Variants in MAMSTR observed in about 807,000 individuals in gnomAD.
The protein encoded by MAMSTR is MEF2-activating motif and SAP domain-containing transcriptional regulator.
Under a neutral mutation model 42.7 loss-of-function variants are expected in MAMSTR, and 41 were observed. That is an observed-to-expected ratio of 0.96 (90% confidence interval 0.75 to 1.25). The LOEUF (loss-of-function observed/expected upper bound fraction) is 1.25. MAMSTR is among the 50% of genes most tolerant of loss of function. The probability of loss-of-function intolerance (pLI) is 0.00; values close to 1 mark genes in which losing one functional copy is unlikely to be tolerated. For synonymous variants in MAMSTR, 265 were observed against 244.1 expected (o/e 1.09, Z -0.80); for missense variants, 567 against 557.6 (o/e 1.02, Z -0.17).
At position 48,712,773 on chromosome 19, in the gene MAMSTR, T is replaced by G. The variant is rs2032763976; in HGVS notation, c.*494A>C. ...AAATGACTGGCATTTATATCTTGTC[T>G]CAGGCTCTGCTTCCAAGAGAAGCTG... On this transcript the variant is annotated 3_prime_UTR_variant, in exon 10 of 10. Transcript: ENST00000318083. 1 of 153,232 alleles carries G rather than the reference T, an allele frequency of 6.5e-6. No individual in the cohort carries two copies. Among genetic ancestry groups the G allele is most frequent in the Non-Finnish European group, 1.5e-5 (1 of 68,786 alleles). 9.5% of individuals were successfully genotyped at this position (153,232 alleles called of 1,614,324 possible). A position where few individuals can be genotyped will look rare whatever the true frequency, so the allele number is the denominator to read the frequency against.
rs1181446753 is a variant in MAMSTR at position 48,719,122 on chromosome 19, CCT to C, written c.-21-72_-21-71del. 1 of 1,086,132 alleles carries C rather than the reference CCT, an allele frequency of 9.2e-7. No individual in the cohort carries two copies. Among genetic ancestry groups the C allele is most frequent in the Non-Finnish European group, 1.4e-6 (1 of 732,386 alleles). The allele number at this position is 1,086,132 out of a possible 1,614,324, so 67.3% of individuals were successfully genotyped here. A position where few individuals can be genotyped will look rare whatever the true frequency, so the allele number is the denominator to read the frequency against. On this transcript the variant is annotated intron_variant, in intron 1 of 9. Coordinates refer to ENST00000318083, the MANE Select transcript of MAMSTR (RefSeq NM_001130915.2). This position sits in a 1 kb window ranked among gnomAD's most constrained non-coding sequence, Gnocchi z 4.4. ...TCAGAGTGGAGGTCAGGAGGCCGCC[CCT>C]GAGAGTGAATTCAGCAGGGAAAGGG...
At chr19:48,718,683 C>T (rs145753085) in intron 2 of MAMSTR, among the ~76,000 whole-genome samples, 1 of 152,110 alleles carries the variant, frequency 6.6e-6, no homozygotes, top group Non-Finnish European at 1.5e-5. Flanking sequence ...TGCTCTTCTG[C>T]CCCTGCGTGT....
intron 5 of MAMSTR, 29 bp downstream of exon 5, chr19:48,715,233 T>C: frequency 6.4e-7 from 1 of 1,555,490 alleles, no homozygotes; most frequent in Non-Finnish European, 8.7e-7. Context: ...AATTTCTGGG[T>C]CCCGGGAGAA....
In MAMSTR at chr19:48,714,495, G is replaced by A. The variant is rs535940822; in HGVS notation, c.594C>T (p.Leu198=). ...GCGCGCCGCCGCGCATGCGCTCCAG[G>A]AGCATAGACTTGGTCCCCGACACTG... ...GLPVSGTKSM[L]LERMRGGAPP... The change falls in exon 7 of 10, where the codon CTC becomes CTT. Residue 198 remains leucine (L), a synonymous_variant. Transcript: ENST00000318083. 334 of 1,427,314 alleles carry A rather than the reference G, an allele frequency of 2.3e-4. No individual in the cohort carries two copies. In the African/African-American group the frequency reaches 4.5e-3, roughly 19 times the overall value. The allele number at this position is 1,427,314 out of a possible 1,614,324, so 88.4% of individuals were successfully genotyped here.
At position 48,715,351 on chromosome 19, in the gene MAMSTR, G is replaced by T; in HGVS notation, c.336C>A (p.Ser112=). Residue 112 remains serine (S), a synonymous_variant, in exon 5 of 10, where the codon TCC becomes TCA. Coordinates refer to ENST00000318083, the MANE Select transcript of MAMSTR (RefSeq NM_001130915.2). ...QYMPPEPRQG[S]RADPQAEGSA... ...ACCCCTCGGCTTGGGGGTCCGCCCT[G>T]GATCCCTGTCTCGGCTCTGGGGGCA... 1 of 1,553,132 alleles carries T rather than the reference G, an allele frequency of 6.4e-7. No homozygotes were observed. Among genetic ancestry groups the T allele is most frequent in the Non-Finnish European group, 8.6e-7 (1 of 1,157,722 alleles).
At position 48,713,953 on chromosome 19, in the gene MAMSTR, AGGAGCCGGAGTGGGAGTTGGAGCC is replaced by A. The variant is rs761198388; in HGVS notation, c.792_815del (p.Pro266_Ala273del). Reference sequence around the variant, plus strand: ...AAGGGGTCAGGGCTGGAGCTGCAGCAGGAGCCGGAGTGGGAGTTGGAGCCGGAGCCGTCCCCGGGGTATCCGCGG... The same window carrying A: ...AAGGGGTCAGGGCTGGAGCTGCAGCAGGAGCCGTCCCCGGGGTATCCGCGG... On this transcript the variant is annotated inframe_deletion, in exon 8 of 10. Coordinates refer to ENST00000318083, the MANE Select transcript of MAMSTR (RefSeq NM_001130915.2). 1 of 1,613,532 alleles carries A rather than the reference AGGAGCCGGAGTGGGAGTTGGAGCC, an allele frequency of 6.2e-7. No homozygotes were observed. The highest frequency in any genetic ancestry group is 8.5e-7 in the Non-Finnish European group (1 of 1,179,790).
At chr19:48,712,066 G>T (rs2032739671), downstream of MAMSTR, among the ~76,000 whole-genome samples, 1 of 152,060 alleles carries the variant, frequency 6.6e-6, no homozygotes, top group Non-Finnish European at 1.5e-5. Context: ...CAGTTTTTAT[G>T]TATTTTTAGT....
downstream of MAMSTR, among the ~76,000 whole-genome samples, chr19:48,709,167 G>A (rs1363237974): frequency 6.6e-6 from 1 of 152,132 alleles, no homozygotes; most frequent in African/African-American, 2.4e-5. Flanking sequence ...GTGCACACCT[G>A]TAATCCCAGT....
intron 2 of MAMSTR, chr19:48,717,027 G>T: frequency 9.2e-7 from 1 of 1,091,894 alleles, no homozygotes; most frequent in Non-Finnish European, 1.1e-6. Flanking sequence ...CCCCCTCCAT[G>T]AGCAAGCGTG....
intron 7 of MAMSTR, 103 bp downstream of exon 7, chr19:48,714,263 T>C (rs281387): frequency 0.93 from 992,219 of 1,065,118 alleles, 463,022 homozygotes; most frequent in Middle Eastern, 0.97. Context: ...TTCCTACCGC[T>C]GGTCCTCGCC....
In MAMSTR at chr19:48,719,327, G is replaced by C. The variant is rs1168768792; in HGVS notation, c.-21-275C>G. ...TCAACCCTGGGATCCTGGGAGGGGA[G>C]GGACCTGGAATCTGGGACTCCTGGG... On this transcript the variant is annotated intron_variant, in intron 1 of 9. Coordinates refer to ENST00000318083, the MANE Select transcript of MAMSTR (RefSeq NM_001130915.2). The surrounding 1 kb of genome is among the most constrained non-coding windows in gnomAD (Gnocchi z 4.4). Among the ~76,000 whole-genome samples, 2 of 152,080 alleles carry C rather than the reference G, an allele frequency of 1.3e-5. No homozygotes were observed. Among genetic ancestry groups the C allele is most frequent in the Non-Finnish European group, 2.9e-5 (2 of 68,006 alleles).
chr19:48,719,042 G>A lies in MAMSTR; in HGVS notation c.-11C>T, dbSNP rs752969236. On this transcript the variant is annotated 5_prime_UTR_variant, in exon 2 of 10. Transcript: ENST00000318083. This position sits in a 1 kb window ranked among gnomAD's most constrained non-coding sequence, Gnocchi z 4.4. The stretch of plus-strand genomic sequence containing the variant: ...AGCCGCCAGGGTCATTGCCAAGGCC[G>A]GGATGGGGACCTGGACGGAGAGGGG... The A allele has an allele frequency of 3.2e-6, 5 of 1,550,732 alleles. No homozygotes were observed. In the African/African-American group the frequency reaches 4.1e-5, roughly 13 times the overall value.
At chr19:48,715,936 G>T in intron 3 of MAMSTR, 169 bp from the exon 4 acceptor site, 1 of 1,410,130 alleles carries the variant, frequency 7.1e-7, no homozygotes, top group African/African-American at 1.5e-5. Context: ...GGAGGTGTGG[G>T]GGGGCTCCGG....
chr19:48,715,559 G>A, intron 4 of MAMSTR, 66 bp downstream of exon 4: 1 of 1,489,232 alleles, frequency 6.7e-7, no homozygotes, highest in South Asian at 1.3e-5. Context: ...AGCAAAAATG[G>A]CAGCAGCAAC....
chr19:48,713,521 G>A lies in MAMSTR; in HGVS notation c.994C>T (p.Pro332Ser), dbSNP rs770463576. ...GGGGACAGCACGTCGAAGGAGCCAG[G>A]GAAGTCCAGGGGAATAGGGGGCAGG... ...DPLPPIPLDF[P>S]GSFDVLSPSP... The change falls in exon 10 of 10, where the codon CCT becomes TCT. Residue 332 changes from proline to serine, a missense_variant. Pro to Ser is a moderately conservative substitution (Grantham distance 74, BLOSUM62 -1). Transcript: ENST00000318083. 44 of 1,612,672 alleles carry A rather than the reference G, an allele frequency of 2.7e-5. No homozygotes were observed. The highest frequency in any genetic ancestry group is 3.5e-5 in the Non-Finnish European group (41 of 1,179,724).
chr19:48,708,603 T>C (rs1329731259), downstream of MAMSTR, among the ~76,000 whole-genome samples: 1 of 151,900 alleles, frequency 6.6e-6, no homozygotes, highest in Non-Finnish European at 1.5e-5. Context: ...GCCTTTCAGT[T>C]AGGCTGAAGG....
downstream of MAMSTR, among the ~76,000 whole-genome samples, chr19:48,708,231 C>CAA (rs66744711): frequency 3.0e-3 from 354 of 118,760 alleles, 3 homozygotes; most frequent in Non-Finnish European, 4.1e-3. Context: ...TGAACTCCAT[C>CAA]AAAAAAAAAA....
At chr19:48,715,979 T>C in intron 3 of MAMSTR, 1 of 1,368,226 alleles carries the variant, frequency 7.3e-7, no homozygotes. Context: ...AGGAATTTTC[T>C]ATCACAAAGG....
At chr19:48,709,234 C>T (rs1327557883), downstream of MAMSTR, among the ~76,000 whole-genome samples, 6 of 152,292 alleles carry the variant, frequency 3.9e-5, no homozygotes, top group South Asian at 2.1e-4. Context: ...CCACAACCTC[C>T]GCCTCCCGGA....
Sources: allele counts gnomAD v4.1 joint callset (sites outside exome capture counted in the v4.1 genomes callset), GRCh38; gene constraint gnomAD v4.1.1; non-coding constraint Gnocchi (gnomAD v3.1); transcripts MANE v1.5; gene names NCBI Gene and HGNC (gene_info 2026-07-23, HGNC 2026-07-21).